GALNT11: variants seen among roughly 807,000 people sequenced by gnomAD.
GALNT11 encodes UDP-GalNAc:polypeptide N-acetylgalactosaminyltransferase 11.
A neutral mutation model predicts 72.7 loss-of-function variants in GALNT11; 47 were observed. The ratio of observed to expected loss-of-function variants is 0.65; its 90% CI spans 0.51 to 0.82. The LOEUF is 0.82. Among genes scored for constraint, GALNT11 ranks in the 40% least tolerant of loss-of-function variants. The probability of loss-of-function intolerance (pLI) is 0.00; values close to 1 mark genes in which losing one functional copy is unlikely to be tolerated. For synonymous variants in GALNT11, 270 were observed against 286.6 expected, an observed-to-expected ratio of 0.94 and a Z score of 0.58; for missense variants, 677 against 778.4, an observed-to-expected ratio of 0.87 and a Z score of 1.55.
chr7:152,032,269 T>C (rs948088408), intron 1 of GALNT11, among the ~76,000 whole-genome samples: 3 of 151,976 alleles, frequency 2.0e-5, no homozygotes, highest in African/African-American at 7.2e-5. Context: ...AGACGGTCCA[T>C]ATAAGTTGGG....
At chr7:152,104,338 G>A (rs1256267109) in intron 4 of GALNT11, 3 of 152,140 alleles carry the variant, frequency 2.0e-5, no homozygotes, top group African/African-American at 7.2e-5. Flanking sequence ...TCATGCACTC[G>A]AGCGTTTATT....
At chr7:152,066,530 T>C (rs936922545) in intron 1 of GALNT11, among the ~76,000 whole-genome samples, 1 of 152,242 alleles carries the variant, frequency 6.6e-6, no homozygotes, top group Non-Finnish European at 1.5e-5. Flanking sequence ...TCTGCGTCAC[T>C]CACGCTGGGA....
At chr7:152,032,735 A>C (rs998924724) in intron 1 of GALNT11, among the ~76,000 whole-genome samples, 75 of 152,292 alleles carry the variant, frequency 4.9e-4, no homozygotes, top group Admixed American at 4.9e-3. Flanking sequence ...TTCAAGGTAG[A>C]TTCCTTCCTC....
intron 1 of GALNT11, among the ~76,000 whole-genome samples, chr7:152,054,401 C>G (rs1423103583): frequency 1.4e-5 from 2 of 145,390 alleles, no homozygotes; most frequent in Non-Finnish European, 3.0e-5. Context: ...TTTTTTTGCT[C>G]CTTCCTGTAC....
At chr7:152,036,345 C>G (rs2082578329) in intron 1 of GALNT11, among the ~76,000 whole-genome samples, 1 of 152,164 alleles carries the variant, frequency 6.6e-6, no homozygotes, top group Non-Finnish European at 1.5e-5. Flanking sequence ...CAAAGTTTGT[C>G]ATTCTGTGTA....
intron 1 of GALNT11, among the ~76,000 whole-genome samples, chr7:152,034,765 C>G (rs1586920130): frequency 1.3e-5 from 2 of 152,146 alleles, no homozygotes; most frequent in African/African-American, 4.8e-5. Flanking sequence ...ACTGACGCAG[C>G]AGCAGAAACA....
chr7:152,096,488 G>C (rs1439146840), intron 2 of GALNT11, among the ~76,000 whole-genome samples: 1 of 152,122 alleles, frequency 6.6e-6, no homozygotes, highest in Non-Finnish European at 1.5e-5. Flanking sequence ...AGGCTGAGGT[G>C]GGTGGATCAC....
At position 152,068,936 on chromosome 7, in the gene GALNT11, A is replaced by T. The variant is rs191881797; in HGVS notation, c.-38-25254A>T. ...TAAAATGGGCTGACTTCGTAATAAG[A>T]TTTGAGGGAGGCATATTTCCCACAA... On this transcript the variant is annotated intron_variant, in intron 1 of 11. Coordinates refer to ENST00000430044, the MANE Select transcript of GALNT11 (RefSeq NM_022087.4). 3.1e-3 allele frequency among the ~76,000 whole-genome samples: 465 copies of T among 152,252 alleles called. 2 individuals are homozygous for T. Among genetic ancestry groups the T allele is most frequent in the African/African-American group, 0.011 (446 of 41,546 alleles).
Position 152,105,323 on chromosome 7 carries a change from G to C in GALNT11, c.665G>C (p.Arg222Pro), listed in dbSNP as rs201883939. The C allele has an allele frequency of 2.5e-6, 4 of 1,614,034 alleles. No individual in the cohort carries two copies. In the East Asian group the frequency reaches 6.7e-5, roughly 27 times the overall value. ...ATTAAAGTCATAAGAAATACAAAGC[G>C]TGAGGGGTTGATTCGAGGGAGAATG... The part of the protein sequence containing the change: ...GKIKVIRNTK[R>P]EGLIRGRMIG... The change falls in exon 5 of 12, where the codon CGT (arginine) becomes CCT (proline). Residue 222 changes from arginine (R) to proline (P), a missense_variant. By Grantham distance (103) the Arg-to-Pro change is moderately radical (BLOSUM62 -2). Transcript: ENST00000430044.
At chr7:152,055,571 A>G (rs10257491) in intron 1 of GALNT11, among the ~76,000 whole-genome samples, 5 of 147,920 alleles carry the variant, frequency 3.4e-5, no homozygotes, top group South Asian at 2.1e-4. Context: ...GTGTGTGTAT[A>G]TATACATATA....
intron 1 of GALNT11, among the ~76,000 whole-genome samples, chr7:152,056,264 T>G (rs917562577): frequency 2.0e-5 from 3 of 152,210 alleles, no homozygotes; most frequent in Non-Finnish European, 4.4e-5. Flanking sequence ...ATTCTTTGTT[T>G]TTGAGGACTG....
chr7:152,043,705 G>A (rs116568791), intron 1 of GALNT11, among the ~76,000 whole-genome samples: 1,578 of 152,152 alleles, frequency 0.01, 26 homozygotes, highest in African/African-American at 0.036. Flanking sequence ...AGAAAGATCC[G>A]GAGGGTCAGG....
intron 2 of GALNT11, among the ~76,000 whole-genome samples, chr7:152,095,440 TTAAAA>T (rs1387973790): frequency 2.0e-5 from 3 of 152,118 alleles, no homozygotes; most frequent in Non-Finnish European, 4.4e-5. Context: ...GAAAGAAATG[TTAAAA>T]TAGAGTTTTC....
At chr7:152,049,772 T>C (rs1233757052) in intron 1 of GALNT11, among the ~76,000 whole-genome samples, 1 of 151,956 alleles carries the variant, frequency 6.6e-6, no homozygotes, top group African/African-American at 2.4e-5. Flanking sequence ...GGTCCTGGAG[T>C]TGGAAACCTT....
At chr7:152,079,883 A>G (rs1004596706) in intron 1 of GALNT11, among the ~76,000 whole-genome samples, 1 of 152,174 alleles carries the variant, frequency 6.6e-6, no homozygotes, top group Non-Finnish European at 1.5e-5. Context: ...AAGCTAATAA[A>G]TATTTGCTGT....
chr7:152,079,575 C>G (rs1028567435), intron 1 of GALNT11, among the ~76,000 whole-genome samples: 8 of 152,204 alleles, frequency 5.3e-5, no homozygotes, highest in Admixed American at 2.6e-4. Flanking sequence ...AGAAGAGATT[C>G]ATAAATATCA....
intron 2 of GALNT11, among the ~76,000 whole-genome samples, chr7:152,097,801 G>T (rs1270913076): frequency 2.0e-5 from 3 of 152,216 alleles, no homozygotes; most frequent in Admixed American, 6.5e-5. Context: ...GAATAGGCAG[G>T]TCCATGGAGA....
intron 1 of GALNT11, among the ~76,000 whole-genome samples, chr7:152,036,277 C>T (rs1190477045): frequency 6.6e-6 from 1 of 152,174 alleles, no homozygotes; most frequent in Non-Finnish European, 1.5e-5. Flanking sequence ...TATCTAGTCT[C>T]TCTCTCCGTG....
chr7:152,086,590 T>C (rs2129028907), intron 1 of GALNT11, among the ~76,000 whole-genome samples: 1 of 152,270 alleles, frequency 6.6e-6, no homozygotes, highest in Middle Eastern at 3.4e-3. Context: ...CTGTTGTGGA[T>C]AGGATGAGCC....
Sources: allele counts gnomAD v4.1 joint callset (sites outside exome capture counted in the v4.1 genomes callset), GRCh38; gene constraint gnomAD v4.1.1; transcripts MANE v1.5; gene names NCBI Gene and HGNC (gene_info 2026-07-23, HGNC 2026-07-21).